UBE2E2: variants seen among roughly 807,000 people sequenced by gnomAD.
UBE2E2 encodes the protein ubiquitin-conjugating enzyme E2 E2.
Under a neutral mutation model 24.7 loss-of-function variants are expected in UBE2E2, and 6 were observed. The ratio of observed to expected loss-of-function variants is 0.24; its 90% CI spans 0.13 to 0.48. The LOEUF is 0.48. UBE2E2 is among the 20% of genes least tolerant of loss of function. UBE2E2 has a pLI of 0.99. For synonymous variants in UBE2E2, 104 were observed against 83.6 expected (o/e 1.24, Z -1.33); for missense variants, 169 against 245.0 (o/e 0.69, Z 2.07).
At chr3:23,230,985 C>T (rs549380247) in intron 3 of UBE2E2, among the ~76,000 whole-genome samples, 26 of 152,228 alleles carry the variant, frequency 1.7e-4, no homozygotes, top group African/African-American at 6.0e-4. Flanking sequence ...AAGCCTTCAT[C>T]TTCAGCCAGG....
At chr3:23,482,676 A>C (rs1699283099) in intron 3 of UBE2E2, among the ~76,000 whole-genome samples, 1 of 151,822 alleles carries the variant, frequency 6.6e-6, no homozygotes, top group Non-Finnish European at 1.5e-5. Flanking sequence ...ATTTTTTTTT[A>C]ACACAAAGCC....
At chr3:23,248,040 T>A (rs1023673993) in intron 3 of UBE2E2, among the ~76,000 whole-genome samples, 2 of 152,372 alleles carry the variant, frequency 1.3e-5, no homozygotes, top group Non-Finnish European at 2.9e-5. Flanking sequence ...CATTTTTGTC[T>A]CCAATTCCCA....
intron 3 of UBE2E2, among the ~76,000 whole-genome samples, chr3:23,468,659 A>C (rs1698972686): frequency 6.6e-6 from 1 of 152,246 alleles, no homozygotes; most frequent in Non-Finnish European, 1.5e-5. Flanking sequence ...CCTAACATTA[A>C]ATGTAAAATT....
intron 3 of UBE2E2, among the ~76,000 whole-genome samples, chr3:23,292,332 G>A (rs765214429): frequency 2.0e-5 from 3 of 152,098 alleles, no homozygotes; most frequent in African/African-American, 7.2e-5. Context: ...CTTTAAAACA[G>A]TATTGGTGGT....
At chr3:23,467,440 C>T (rs1449261808) in intron 3 of UBE2E2, among the ~76,000 whole-genome samples, 1 of 152,150 alleles carries the variant, frequency 6.6e-6, no homozygotes, top group Non-Finnish European at 1.5e-5. Flanking sequence ...AATACTGGGT[C>T]TCGACTTCTC....
intron 3 of UBE2E2, among the ~76,000 whole-genome samples, chr3:23,449,067 T>C (rs1383487449): frequency 1.3e-5 from 2 of 152,224 alleles, no homozygotes; most frequent in African/African-American, 4.8e-5. Context: ...TGGCATGCCA[T>C]TGTAAGTATA....
chr3:23,307,366 G>GTCCT (rs1699265579), intron 3 of UBE2E2, among the ~76,000 whole-genome samples: 1 of 152,122 alleles, frequency 6.6e-6, no homozygotes, highest in Non-Finnish European at 1.5e-5. Flanking sequence ...CAGGTTACTT[G>GTCCT]AATCTCCTAA....
chr3:23,546,970 G>A (rs370410689), intron 5 of UBE2E2, among the ~76,000 whole-genome samples: 6 of 152,044 alleles, frequency 3.9e-5, no homozygotes, highest in Admixed American at 6.5e-5. Context: ...AGTTTTATCC[G>A]TGCTTTTTTG....
In UBE2E2 at chr3:23,445,928, CTT is replaced by C. The variant is rs1367371508; in HGVS notation, c.228-53677_228-53676del. 2.0e-5 allele frequency among the ~76,000 whole-genome samples: 3 copies of C among 152,270 alleles called. No homozygotes were observed. In the East Asian group the frequency reaches 5.8e-4, roughly 29 times the overall value. ...CCCAAGGATCAGCATTGTGACTTCT[CTT>C]TTGGTGCTTGCCAGAGACTCCACAG... On this transcript the variant is annotated intron_variant, in intron 3 of 5. Coordinates refer to ENST00000396703, the MANE Select transcript of UBE2E2 (RefSeq NM_152653.4).
At chr3:23,561,443 G>A (rs1184688790) in intron 5 of UBE2E2, among the ~76,000 whole-genome samples, 1 of 152,040 alleles carries the variant, frequency 6.6e-6, no homozygotes, top group African/African-American at 2.4e-5. Context: ...CTCTGTTTTG[G>A]TACCAGTACC....
At chr3:23,483,536 A>G (rs1374177106) in intron 3 of UBE2E2, among the ~76,000 whole-genome samples, 1 of 152,214 alleles carries the variant, frequency 6.6e-6, no homozygotes, top group African/African-American at 2.4e-5. Flanking sequence ...ATGCTCAGTA[A>G]ATGGTGAATA....
At chr3:23,485,849 A>G (rs946268912) in intron 3 of UBE2E2, among the ~76,000 whole-genome samples, 1 of 152,224 alleles carries the variant, frequency 6.6e-6, no homozygotes, top group African/African-American at 2.4e-5. Flanking sequence ...GGTATAGAAA[A>G]TGGAAATTAG....
At chr3:23,571,280 C>CTTTCTTTTTTTTTTTTTTTTTTTTTTTTT (rs1696218039) in intron 5 of UBE2E2, among the ~76,000 whole-genome samples, 5 of 29,882 alleles carry the variant, frequency 1.7e-4, no homozygotes, top group South Asian at 2.3e-3. Flanking sequence ...GTGCTCCTTT[C>CTTTCTTTTTTTTTTTTTTTTTTTTTTTTT]TTTTTTTTTT....
intron 3 of UBE2E2, among the ~76,000 whole-genome samples, chr3:23,272,683 A>T (rs529146375): frequency 6.8e-4 from 104 of 152,260 alleles, no homozygotes; most frequent in Non-Finnish European, 1.1e-3. Flanking sequence ...AGAGAGAGAG[A>T]GAGAGAGATT....
chr3:23,323,721 C>T (rs1278348110), intron 3 of UBE2E2: 1 of 238,344 alleles, frequency 4.2e-6, no homozygotes, highest in South Asian at 3.9e-5. Flanking sequence ...CCTTTTTTTC[C>T]CTTTTAGCAA....
intron 5 of UBE2E2, among the ~76,000 whole-genome samples, chr3:23,577,330 T>TAA (rs111540597): frequency 2.1e-5 from 3 of 144,026 alleles, no homozygotes; most frequent in Admixed American, 7.0e-5. Flanking sequence ...AGGAATGATT[T>TAA]AAAAAAAAAA....
In UBE2E2 at chr3:23,433,256, C is replaced by T. The variant is rs80080236; in HGVS notation, c.228-66352C>T. On this transcript the variant is annotated intron_variant, in intron 3 of 5. Transcript: ENST00000396703. ...ATTTTGCTATATCATTATTGTGCTC[C>T]TCTATAAAGAATTAGAATAACTTCA... Among the ~76,000 whole-genome samples the T allele has an allele frequency of 5.5e-3, 837 of 151,494 alleles. 9 individuals are homozygous for T. Among genetic ancestry groups the T allele is most frequent in the African/African-American group, 0.019 (794 of 41,300 alleles).
intron 2 of UBE2E2, among the ~76,000 whole-genome samples, chr3:23,216,311 A>G (rs1696474444): frequency 6.6e-6 from 1 of 152,132 alleles, no homozygotes; most frequent in Non-Finnish European, 1.5e-5. Flanking sequence ...GTTGTCTTGA[A>G]AAAGAAGTAG....
intron 3 of UBE2E2, among the ~76,000 whole-genome samples, chr3:23,443,622 G>A (rs900477951): frequency 6.6e-6 from 1 of 152,318 alleles, no homozygotes; most frequent in African/African-American, 2.4e-5. Flanking sequence ...ATGCCATAGA[G>A]TACAAGGCAA....
Sources: allele counts gnomAD v4.1 joint callset (sites outside exome capture counted in the v4.1 genomes callset), GRCh38; gene constraint gnomAD v4.1.1; transcripts MANE v1.5; gene names NCBI Gene and HGNC (gene_info 2026-07-23, HGNC 2026-07-21).